MYO1C: variants seen among roughly 807,000 people sequenced by gnomAD.
The protein encoded by MYO1C is myosin IC.
MYO1C carries 104 observed loss-of-function variants against 150.8 expected under a neutral mutation model. The observed-to-expected ratio is 0.69, with a 90% CI of 0.59 to 0.81. The LOEUF (loss-of-function observed/expected upper bound fraction) is 0.81. Among genes scored for constraint, MYO1C ranks in the 30% least tolerant of loss-of-function variants. MYO1C has a pLI of 0.00. For missense variants in MYO1C, 1,504 were observed against 1,435.0 expected, an observed-to-expected ratio of 1.05 and a Z score of -0.78; for synonymous variants, 663 against 579.9, an observed-to-expected ratio of 1.14 and a Z score of -2.06.
intron 1 of MYO1C, chr17:1,485,821 A>ACCGCCCCCC (rs1395076182): frequency 1.2e-5 from 5 of 423,510 alleles, no homozygotes; most frequent in African/African-American, 2.2e-5. Flanking sequence ...CACCGCCCCC[A>ACCGCCCCCC]CCCGGGCCCC....
In MYO1C at chr17:1,471,092, C is replaced by G. The variant is rs200324424; in HGVS notation, c.2191G>C (p.Glu731Gln). 82 of 1,614,114 alleles carry G rather than the reference C, an allele frequency of 5.1e-5. 1 individual carries two copies. In the South Asian group the frequency reaches 8.3e-4, roughly 16 times the overall value. Residue 731 changes from glutamate to glutamine, a missense_variant, in exon 21 of 32, where the codon GAG (glutamate) becomes CAG (glutamine). By Grantham distance (29) the Glu-to-Gln change is conservative. Transcript: ENST00000648651. ...TCACCCAGGCTCTGCCGCCGGACCTCCAGGGCATCCTCTGTGGCAAACAGG... is the reference window on the plus strand; with the variant it reads ...TCACCCAGGCTCTGCCGCCGGACCTGCAGGGCATCCTCTGTGGCAAACAGG... ...KTLFATEDAL[E>Q]VRRQSLATKI...
In MYO1C at chr17:1,469,566, A is replaced by G; in HGVS notation, c.2575T>C (p.Tyr859His). Residue 859 changes from tyrosine (Y) to histidine (H), a missense_variant, in exon 25 of 32, where the codon TAC becomes CAC. Physicochemically the swap from Tyr to His is moderately conservative, Grantham distance 83. Coordinates refer to ENST00000648651, the MANE Select transcript of MYO1C (RefSeq NM_001080779.2). The stretch of plus-strand genomic sequence containing the variant: ...CACTCAGGGCTGATACTCCGGCAGT[A>G]TTTCCACACCATGTTCTTTATGCAC... ...ELCIKNMVWK[Y>H]CRSISPEWKQ... 1 of 1,613,372 alleles carries G rather than the reference A, an allele frequency of 6.2e-7. No homozygotes were observed. The highest frequency in any genetic ancestry group is 8.5e-7 in the Non-Finnish European group (1 of 1,179,808).
Position 1,478,605 on chromosome 17 carries a change from C to T in MYO1C, c.1212+11G>A, listed in dbSNP as rs370797573. On this transcript the variant is annotated intron_variant, in intron 10 of 31. Coordinates refer to ENST00000648651, the MANE Select transcript of MYO1C (RefSeq NM_001080779.2). This position sits in a 1 kb window ranked among gnomAD's most constrained non-coding sequence, Gnocchi z 6.3. ...CTTCTGCCTTGGGAGCAGTGTGGAC[C>T]GAGCCCTCACCTTGGAGGCCAGCGA... 6.2e-6 allele frequency: 10 copies of T among 1,614,032 alleles called. No homozygotes were observed. The highest frequency in any genetic ancestry group is 4.5e-5 in the East Asian group (2 of 44,876).
chr17:1,481,450 C>T (rs1023964891), intron 5 of MYO1C, among the ~76,000 whole-genome samples: 1 of 152,204 alleles, frequency 6.6e-6, no homozygotes, highest in Non-Finnish European at 1.5e-5. Context: ...CCTGGTTCCC[C>T]TCCCATCTAT....
intron 14 of MYO1C, among the ~76,000 whole-genome samples, chr17:1,476,660 G>A (rs1029038412): frequency 3.3e-5 from 5 of 152,178 alleles, no homozygotes; most frequent in South Asian, 2.1e-4. Context: ...GTGAAGCGAC[G>A]ACATGCACAG....
rs2150938078 is a variant in MYO1C, at chr17:1,471,160, T to C, written c.2136-13A>G. 1.2e-6 allele frequency: 2 copies of C among 1,614,058 alleles called. No homozygotes were observed. Among genetic ancestry groups the C allele is most frequent in the South Asian group, 2.2e-5 (2 of 91,080 alleles). On this transcript the variant is annotated splice_polypyrimidine_tract_variant and intron_variant, in intron 20 of 31. Transcript: ENST00000648651. ...GAAGATCTTGGTCCTGGGAGAGCAG[T>C]AGTGATCAGCCCGGGGTTGCCACTC...
In MYO1C at chr17:1,464,540, C is replaced by T. The variant is rs1284440438; in HGVS notation, c.*1186G>A. On this transcript the variant is annotated 3_prime_UTR_variant, in exon 32 of 32. Coordinates refer to ENST00000648651, the MANE Select transcript of MYO1C (RefSeq NM_001080779.2). ...ATTGCTGGTCAAGGAGCCAGATATA[C>T]TCTTAAGACATGATGTGGGTTTTAT... 6.5e-6 allele frequency: 1 copy of T among 152,728 alleles called. No homozygotes were observed. The highest frequency in any genetic ancestry group is 2.4e-5 in the African/African-American group (1 of 41,470). 9.5% of individuals were successfully genotyped at this position (152,728 alleles called of 1,614,324 possible).
intron 2 of MYO1C, among the ~76,000 whole-genome samples, 166 bp downstream of exon 2, chr17:1,483,982 C>T (rs1266274430): frequency 6.6e-6 from 1 of 151,390 alleles, no homozygotes; most frequent in African/African-American, 2.4e-5. Flanking sequence ...GAGGAGGTTA[C>T]AGTGAGCTGA....
intron 1 of MYO1C, chr17:1,485,717 C>T (rs1355279342): frequency 3.8e-5 from 45 of 1,175,518 alleles, no homozygotes; most frequent in Non-Finnish European, 4.5e-5. Context: ...CGCATCCTGC[C>T]CGGCCGGCCT....
chr17:1,481,591 C>T (rs1334080198), intron 5 of MYO1C, among the ~76,000 whole-genome samples: 2 of 151,814 alleles, frequency 1.3e-5, no homozygotes, highest in Non-Finnish European at 2.9e-5. Context: ...CCCTCGAACT[C>T]CCGGGTTCAA....
At chr17:1,490,947 GGT>G (rs1897323261) in intron 1 of MYO1C, 1 of 152,348 alleles carries the variant, frequency 6.6e-6, no homozygotes, top group South Asian at 2.1e-4. Context: ...ACTCGGCTCA[GGT>G]GTCACCTCCT....
intron 17 of MYO1C, 160 bp from the exon 18 acceptor site, chr17:1,472,388 G>A: frequency 1.5e-6 from 1 of 654,018 alleles, no homozygotes; most frequent in South Asian, 1.8e-5. Context: ...GCAGAGGAGG[G>A]GGCCAGACTC....
rs765569135 is a variant in MYO1C, at chr17:1,470,181, C to G, written c.2520G>C (p.Leu840=). ...DTSWPTPPPA[L]REASELLREL... ...GCAGGGGGTGCCCACAGACCTCACGCAGGGCAGGTGGGGGCGTGGGCCACG... is the reference window on the plus strand; with the variant it reads ...GCAGGGGGTGCCCACAGACCTCACGGAGGGCAGGTGGGGGCGTGGGCCACG... Residue 840 remains leucine (L), a synonymous_variant, in exon 24 of 32, where the codon CTG becomes CTC. Transcript: ENST00000648651. 1 of 1,609,810 alleles carries G rather than the reference C, an allele frequency of 6.2e-7. No individual in the cohort carries two copies. Among genetic ancestry groups the G allele is most frequent in the Non-Finnish European group, 8.5e-7 (1 of 1,178,766 alleles).
chr17:1,480,746 C>A lies in MYO1C; in HGVS notation c.767G>T (p.Gly256Val), dbSNP rs1251986931. The A allele has an allele frequency of 6.2e-7, 1 of 1,614,070 alleles. No homozygotes were observed. Among genetic ancestry groups the A allele is most frequent in the African/African-American group, 1.3e-5 (1 of 74,926 alleles). The change falls in exon 6 of 32, where the codon GGC becomes GTC. Residue 256 changes from glycine to valine, a missense_variant. Transcript: ENST00000648651. Reference protein sequence around the residue: ...GGEEETLRRLGLERNPQSYLY... With the variant: ...GGEEETLRRLVLERNPQSYLY... ...GTAGCTCTGGGGGTTCCGTTCCAAG[C>A]CCAGCCTGCGAAGAGTCTCCTCCTC...
chr17:1,465,803 C>T, intron 31 of MYO1C, 51 bp from the exon 32 acceptor site: 1 of 1,283,140 alleles, frequency 7.8e-7, no homozygotes, highest in Non-Finnish European at 1.0e-6. Context: ...AGACGGGGGC[C>T]CCGGTACTCA....
At chr17:1,487,814 G>T (rs1423399920) in intron 1 of MYO1C, among the ~76,000 whole-genome samples, 1 of 152,212 alleles carries the variant, frequency 6.6e-6, no homozygotes. Context: ...CCAGCTGCTC[G>T]GGAGGCTGAG....
intron 1 of MYO1C, chr17:1,485,659 G>A (rs1353914154): frequency 2.5e-6 from 3 of 1,210,092 alleles, no homozygotes; most frequent in Non-Finnish European, 3.1e-6. Flanking sequence ...GGACGCCCGG[G>A]ACCCCCCGCC....
chr17:1,467,482 G>A lies in MYO1C; in HGVS notation c.3063C>T (p.Gly1021=). ...NRVNSININQ[G]SITFAGGPGR... is the part of the protein sequence containing the mutation. ...CCCGGGGGCCGCCCGCGCCTCACCT[G>A]CCCTGGTTGATGTTGATGCTGTTCA... is the stretch of plus-strand genomic sequence containing the variant. Residue 1021 remains glycine, a splice_region_variant and synonymous_variant, in exon 30 of 32, where the codon GGC becomes GGT. Transcript: ENST00000648651. 1.9e-6 allele frequency: 3 copies of A among 1,612,320 alleles called. No individual in the cohort carries two copies. Among genetic ancestry groups the A allele is most frequent in the South Asian group, 1.1e-5 (1 of 91,016 alleles).
intron 21 of MYO1C, 110 bp from the exon 22 acceptor site, chr17:1,470,799 A>T: frequency 8.4e-7 from 1 of 1,189,884 alleles, no homozygotes; most frequent in Non-Finnish European, 1.2e-6. Flanking sequence ...TGAAGGAACC[A>T]ACGAGCAGGA....
Sources: allele counts gnomAD v4.1 joint callset (sites outside exome capture counted in the v4.1 genomes callset), GRCh38; gene constraint gnomAD v4.1.1; non-coding constraint Gnocchi (gnomAD v3.1); transcripts MANE v1.5; gene names NCBI Gene and HGNC (gene_info 2026-07-23, HGNC 2026-07-21).